The following UROC1 variants were observed in gnomAD, a reference collection of about 807,000 sequenced individuals.
UROC1 encodes the protein urocanate hydratase 1.
Under a neutral mutation model 89.5 loss-of-function variants are expected in UROC1, and 79 were observed. The ratio of observed to expected loss-of-function variants is 0.88; its 90% CI spans 0.74 to 1.06. The LOEUF (loss-of-function observed/expected upper bound fraction) is 1.06, where lower values mean the gene tolerates loss of function less well. UROC1 is among the 50% of genes least tolerant of loss of function. The probability of loss-of-function intolerance (pLI) is 0.00; values close to 1 mark genes in which losing one functional copy is unlikely to be tolerated. For synonymous variants in UROC1, 361 were observed against 354.8 expected (o/e 1.02, Z -0.20); for missense variants, 885 against 907.8 (o/e 0.97, Z 0.32).
Position 126,505,712 on chromosome 3 carries a change from C to G in UROC1, c.802G>C (p.Val268Leu). ...GCCCCCCAGCTTACCTCTGCTATCA[C>G]ACCGATGCACCCCACGATGACTGCG... ...KAAVIVGCIG[V>L]IAEVDKAALE... The change falls in exon 8 of 20, where the codon GTG (valine) becomes CTG (leucine). Residue 268 changes from valine (V) to leucine (L), a missense_variant. Physicochemically the swap from Val to Leu is conservative, Grantham distance 32. Coordinates refer to ENST00000290868, the MANE Select transcript of UROC1 (RefSeq NM_144639.3). The G allele has an allele frequency of 1.2e-6, 2 of 1,613,758 alleles. No individual in the cohort carries two copies. The highest frequency in any genetic ancestry group is 2.7e-5 in the African/African-American group (2 of 75,036).
rs773916999 is a variant in UROC1 at position 126,488,259 on chromosome 3, C to G, written c.1729G>C (p.Val577Leu). ...GTGGCTCCGCGACAGGCATCTCCCA[C>G]GAAGTTCTGCACAGCCATGTCTGCG... ...FCADMAVQNFVGDACRGATWV... is the reference protein window; with the variant it reads ...FCADMAVQNFLGDACRGATWV... Residue 577 changes from valine to leucine, a missense_variant, in exon 18 of 20, where the codon GTG (valine) becomes CTG (leucine). Physicochemically the swap from Val to Leu is conservative, Grantham distance 32. Coordinates refer to ENST00000290868, the MANE Select transcript of UROC1 (RefSeq NM_144639.3). 1.2e-6 allele frequency: 2 copies of G among 1,614,110 alleles called. No individual in the cohort carries two copies. The highest frequency in any genetic ancestry group is 2.7e-5 in the African/African-American group (2 of 74,940).
In UROC1 at chr3:126,505,860, G is replaced by A. The variant is rs1337039281; in HGVS notation, c.670-16C>T. On this transcript the variant is annotated splice_polypyrimidine_tract_variant and intron_variant, in intron 7 of 19. Transcript: ENST00000290868. The stretch of plus-strand genomic sequence containing the variant: ...ACACGGTGAGCTGCAGGGAGAAGAG[G>A]TGGGGGCTCACTGCCCACTCCCAGC... 2 of 1,613,256 alleles carry A rather than the reference G, an allele frequency of 1.2e-6. No homozygotes were observed. The highest frequency in any genetic ancestry group is 1.3e-5 in the African/African-American group (1 of 75,034).
chr3:126,490,145 GTC>G (rs1935608792), intron 16 of UROC1, among the ~76,000 whole-genome samples: 1 of 152,220 alleles, frequency 6.6e-6, no homozygotes, highest in Non-Finnish European at 1.5e-5. Flanking sequence ...CGTGCTGCCA[GTC>G]TCTCTGAGGA....
intron 9 of UROC1, among the ~76,000 whole-genome samples, 198 bp from the exon 10 acceptor site, chr3:126,501,478 AG>A (rs1388780373): frequency 6.6e-6 from 1 of 152,192 alleles, no homozygotes; most frequent in Non-Finnish European, 1.5e-5. Flanking sequence ...AAAACTATAA[AG>A]GGAAAATCCA....
intron 15 of UROC1, among the ~76,000 whole-genome samples, chr3:126,494,331 C>G (rs1935725304): frequency 6.6e-6 from 1 of 152,156 alleles, no homozygotes; most frequent in Non-Finnish European, 1.5e-5. Context: ...TCTGGCACCT[C>G]CCACGGCCCC....
At chr3:126,510,858 G>A (rs1017211056) in intron 1 of UROC1, 64 bp from the exon 2 acceptor site, 30 of 1,585,022 alleles carry the variant, frequency 1.9e-5, no homozygotes, top group East Asian at 2.3e-5. Context: ...CTGAGGCCCC[G>A]CGATGGGCCA....
chr3:126,501,941 G>A, intron 9 of UROC1: 1 of 1,594,770 alleles, frequency 6.3e-7, no homozygotes, highest in East Asian at 2.2e-5. Context: ...AATCCCAGCT[G>A]AAGGACCCTG....
rs369545977 is a variant in UROC1 at position 126,508,001 on chromosome 3, C to T, written c.506G>A (p.Arg169His). ...GGTGATGACGAGCCGTGGGGCACTG[C>T]GGCTGCTGGGAAAGAGGCCAAGTGG... ...GHPLGLFPSS[R>H]SAPRLVITNG... is the part of the protein sequence containing the mutation. Residue 169 changes from arginine to histidine, a missense_variant, in exon 5 of 20, where the codon CGC becomes CAC. Physicochemically the swap from Arg to His is conservative, Grantham distance 29 (BLOSUM62 0). Coordinates refer to ENST00000290868, the MANE Select transcript of UROC1 (RefSeq NM_144639.3). The T allele has an allele frequency of 4.9e-5, 79 of 1,614,022 alleles. No homozygotes were observed. The highest frequency in any genetic ancestry group is 3.3e-4 in the Middle Eastern group (2 of 6,018).
rs758595354 is a variant in UROC1 at position 126,489,298 on chromosome 3, G to A, written c.1686C>T (p.Tyr562=). ...CACCTGCACAGAAGGCAGAGCCGTCGTAAATGTTGGAGGTCTCCCTAAAGG... is the reference window on the plus strand; with the variant it reads ...CACCTGCACAGAAGGCAGAGCCGTCATAAATGTTGGAGGTCTCCCTAAAGG... ...DSPFRETSNI[Y]DGSAFCADMA... The change falls in exon 17 of 20, where the codon TAC becomes TAT. Residue 562 remains tyrosine (Y), a synonymous_variant. Transcript: ENST00000290868. The A allele has an allele frequency of 2.7e-5, 43 of 1,613,624 alleles. No individual in the cohort carries two copies. Among genetic ancestry groups the A allele is most frequent in the Middle Eastern group, 1.6e-4 (1 of 6,084 alleles).
intron 9 of UROC1, chr3:126,501,809 G>A: frequency 6.3e-7 from 1 of 1,599,472 alleles, no homozygotes; most frequent in East Asian, 2.2e-5. Flanking sequence ...ACCAGGAGTG[G>A]CCTGGAGAAG....
intron 14 of UROC1, among the ~76,000 whole-genome samples, chr3:126,496,926 T>G (rs548651138): frequency 1.9e-4 from 29 of 151,578 alleles, no homozygotes; most frequent in Admixed American, 5.9e-4. Context: ...AGGCCTGGAG[T>G]CTTTACTCCA....
At position 126,501,908 on chromosome 3, in the gene UROC1, C is replaced by T. The variant is rs372066284; in HGVS notation, c.903-628G>A. 616 of 1,598,946 alleles carry T rather than the reference C, an allele frequency of 3.9e-4. No homozygotes were observed. Among genetic ancestry groups the T allele is most frequent in the Middle Eastern group, 9.9e-4 (6 of 6,076 alleles). On this transcript the variant is annotated intron_variant, in intron 9 of 19. Coordinates refer to ENST00000290868, the MANE Select transcript of UROC1 (RefSeq NM_144639.3). ...CACAGTCCCAGGGCAGCAGGGAGGC[C>T]GGCCCAGCCCAGGGCTTGTTGCAAT...
rs1049165115 is a variant in UROC1, at chr3:126,508,590, C to T, written c.352-115G>A. ...GGGCCCAATGGGACAAGGAGAGAAG[C>T]CAGAAGGGTGAGGCCCAGGGACGGA... On this transcript the variant is annotated intron_variant, in intron 3 of 19. Transcript: ENST00000290868. 2.8e-5 allele frequency: 23 copies of T among 813,332 alleles called. No homozygotes were observed. In the African/African-American group the frequency reaches 4.0e-4, roughly 14 times the overall value. 50.4% of individuals were successfully genotyped at this position (813,332 alleles called of 1,614,324 possible).
chr3:126,517,329 C>G (rs1211863349), intron 1 of UROC1, among the ~76,000 whole-genome samples: 3 of 152,142 alleles, frequency 2.0e-5, no homozygotes, highest in Non-Finnish European at 4.4e-5. Flanking sequence ...TGGAGGTGGC[C>G]AAAGTGCCAC....
At position 126,504,039 on chromosome 3, in the gene UROC1, C is replaced by A; in HGVS notation, c.858G>T (p.Leu286=). 6.2e-7 allele frequency: 1 copy of A among 1,614,160 alleles called. No individual in the cohort carries two copies. Among genetic ancestry groups the A allele is most frequent in the Non-Finnish European group, 8.5e-7 (1 of 1,180,040 alleles). The part of the protein sequence containing the change: ...ALEKRHRQGW[L]MEVTDSLDRC... ...GGTCCAAGCTGTCAGTCACTTCCAT[C>A]AGCCAGCCCTGCCTGTGGCGTTTCT... The change falls in exon 9 of 20, where the codon CTG becomes CTT. Residue 286 remains leucine (L), a synonymous_variant. Transcript: ENST00000290868.
At chr3:126,513,891 T>C (rs557056436) in intron 1 of UROC1, among the ~76,000 whole-genome samples, 18 of 152,002 alleles carry the variant, frequency 1.2e-4, no homozygotes, top group African/African-American at 4.3e-4. Context: ...GCATTTAGAG[T>C]CCTCCATCAG....
At chr3:126,499,315 G>A in intron 13 of UROC1, 22 bp downstream of exon 13, 1 of 1,608,788 alleles carries the variant, frequency 6.2e-7, no homozygotes, top group South Asian at 1.1e-5. Flanking sequence ...CACACTAGAT[G>A]TGGCAGCCGC....
At position 126,492,437 on chromosome 3, in the gene UROC1, A is replaced by G. The variant is rs369572477; in HGVS notation, c.1589T>C (p.Ile530Thr). Residue 530 changes from isoleucine (I) to threonine (T), a missense_variant, in exon 16 of 20, where the codon ATC becomes ACC. Transcript: ENST00000290868. ...CCTCACCTTGATCCTCCTGCAGGCG[A>G]TGGCCTGGTTAATGGCCACAGCGAT... ...VAIAVAINQA[I>T]ACRRIKAPVV... 3.7e-6 allele frequency: 6 copies of G among 1,613,592 alleles called. No homozygotes were observed. Among genetic ancestry groups the G allele is most frequent in the Non-Finnish European group, 5.1e-6 (6 of 1,179,962 alleles).
At chr3:126,492,340 C>A in intron 16 of UROC1, 78 bp downstream of exon 16, 1 of 1,387,160 alleles carries the variant, frequency 7.2e-7, no homozygotes, top group African/African-American at 1.4e-5. Flanking sequence ...AGCCGAGGCA[C>A]ACGCAGGAAG....
Sources: allele counts gnomAD v4.1 joint callset (sites outside exome capture counted in the v4.1 genomes callset), GRCh38; gene constraint gnomAD v4.1.1; transcripts MANE v1.5; gene names NCBI Gene and HGNC (gene_info 2026-07-23, HGNC 2026-07-21).